Variants in ZNF536 observed in about 807,000 individuals in gnomAD.
ZNF536 encodes zinc finger protein 536.
ZNF536 carries 13 observed loss-of-function variants against 84.5 expected under a neutral mutation model. The observed-to-expected ratio is 0.15, with a 90% CI of 0.10 to 0.24. The LOEUF (loss-of-function observed/expected upper bound fraction) is 0.24. ZNF536 is among the 10% of genes least tolerant of loss of function. ZNF536 has a pLI of 1.00. For missense variants in ZNF536, 1,536 were observed against 1,747.5 expected, an observed-to-expected ratio of 0.88 and a Z score of 2.16; for synonymous variants, 811 against 742.5, an observed-to-expected ratio of 1.09 and a Z score of -1.50.
At chr19:30,315,455 A>AC (rs1291223581) in intron 2 of ZNF536, among the ~76,000 whole-genome samples, 1 of 151,978 alleles carries the variant, frequency 6.6e-6, no homozygotes, top group African/African-American at 2.4e-5. Context: ...GGCATGAGCC[A>AC]CCCCCCTCTG....
At chr19:30,704,700 G>C (rs564528341) in intron 1 of ZNF536, among the ~76,000 whole-genome samples, 2 of 151,126 alleles carry the variant, frequency 1.3e-5, no homozygotes, top group Admixed American at 1.3e-4. Context: ...AGGCCACTGA[G>C]GGGCTGCCTT....
intron 1 of ZNF536, among the ~76,000 whole-genome samples, chr19:30,608,486 C>A (rs538452554): frequency 6.6e-6 from 1 of 152,276 alleles, no homozygotes; most frequent in South Asian, 2.1e-4. Flanking sequence ...AGAACTTTAG[C>A]CTGGACTGGC....
chr19:30,576,022 C>T (rs1480785338), intron 1 of ZNF536, among the ~76,000 whole-genome samples: 1 of 152,212 alleles, frequency 6.6e-6, no homozygotes, highest in South Asian at 2.1e-4. Flanking sequence ...GGGCTCGGCT[C>T]ATGGTATAAG....
At chr19:30,368,228 G>A (rs148479010), upstream of ZNF536, among the ~76,000 whole-genome samples, 2 of 152,254 alleles carry the variant, frequency 1.3e-5, no homozygotes, top group Non-Finnish European at 1.5e-5. Context: ...GTGGTGGGGT[G>A]GGGCCCGAAA....
chr19:30,308,345 G>A lies in ZNF536; in HGVS notation c.-120+24204G>A, dbSNP rs575183908. 2.6e-5 allele frequency among the ~76,000 whole-genome samples: 4 copies of A among 152,190 alleles called. No individual in the cohort carries two copies. The South Asian group carries it at 6.2e-4, about 24-fold the overall frequency. On this transcript the variant is annotated intron_variant, in intron 2 of 5. Transcript: ENST00000585628. ...CTTGGCGCTTTCTCCATGTAATCTT[G>A]TGAACATTTTTTTTTTCATGTGAAC... is the stretch of plus-strand genomic sequence containing the variant.
chr19:30,225,956 A>C, upstream of ZNF536, among the ~76,000 whole-genome samples: 1 of 144,196 alleles, frequency 6.9e-6, no homozygotes, highest in South Asian at 2.4e-4. Flanking sequence ...GGTGGGGGGA[A>C]AGAAGAGGAA....
At chr19:30,433,583 C>T (rs544997286) in intron 1 of ZNF536, among the ~76,000 whole-genome samples, 8 of 152,266 alleles carry the variant, frequency 5.3e-5, no homozygotes, top group Non-Finnish European at 7.4e-5. Context: ...CCACAACCTC[C>T]GCCTCCTAGG....
chr19:30,574,700 C>T (rs1422797729), intron 1 of ZNF536, among the ~76,000 whole-genome samples: 1 of 152,154 alleles, frequency 6.6e-6, no homozygotes, highest in Non-Finnish European at 1.5e-5. Flanking sequence ...TCATGCCAGG[C>T]CAGGCCATGT....
chr19:30,303,395 C>A (rs572440026), intron 2 of ZNF536, among the ~76,000 whole-genome samples: 1 of 152,172 alleles, frequency 6.6e-6, no homozygotes, highest in African/African-American at 2.4e-5. Context: ...GGGGCCTTGG[C>A]GCTGCCTCCA....
At chr19:30,388,160 G>T (rs1043737445) in intron 1 of ZNF536, among the ~76,000 whole-genome samples, 2 of 152,176 alleles carry the variant, frequency 1.3e-5, no homozygotes, top group African/African-American at 4.8e-5. Flanking sequence ...AGATTTCCCG[G>T]GGGAGTGAGT....
At chr19:30,681,993 C>A (rs2050991436) in intron 1 of ZNF536, among the ~76,000 whole-genome samples, 1 of 152,108 alleles carries the variant, frequency 6.6e-6, no homozygotes, top group Non-Finnish European at 1.5e-5. Context: ...ATCGACAGTG[C>A]AAATGGGAAG....
At chr19:30,522,521 T>G (rs1469445016) in intron 2 of ZNF536, among the ~76,000 whole-genome samples, 1 of 151,202 alleles carries the variant, frequency 6.6e-6, no homozygotes, top group Non-Finnish European at 1.5e-5. Flanking sequence ...CAATAAAAAA[T>G]GCATATTTAC....
At chr19:30,687,336 CTT>C (rs1658020562) in intron 1 of ZNF536, among the ~76,000 whole-genome samples, 1 of 152,210 alleles carries the variant, frequency 6.6e-6, no homozygotes, top group Non-Finnish European at 1.5e-5. Flanking sequence ...CAAATCTGAA[CTT>C]TGATGAATTC....
chr19:30,414,051 C>T (rs957288494), intron 1 of ZNF536, among the ~76,000 whole-genome samples: 25 of 142,676 alleles, frequency 1.8e-4, no homozygotes, highest in African/African-American at 6.5e-4. Context: ...CGAGATCATG[C>T]CACTGCACTC....
At chr19:30,616,409 AGAT>A (rs1346261040) in intron 1 of ZNF536, among the ~76,000 whole-genome samples, 1 of 152,230 alleles carries the variant, frequency 6.6e-6, no homozygotes, top group African/African-American at 2.4e-5. Flanking sequence ...GAATTTGTGG[AGAT>A]GATCAAATAT....
chr19:30,532,157 T>A lies in ZNF536; in HGVS notation c.2171-2690T>A, dbSNP rs538514091. 1.4e-4 allele frequency among the ~76,000 whole-genome samples: 21 copies of A among 151,486 alleles called. No individual in the cohort carries two copies. In the South Asian group the frequency reaches 4.0e-3, roughly 29 times the overall value. On this transcript the variant is annotated intron_variant, in intron 2 of 4. Coordinates refer to ENST00000355537, the MANE Select transcript of ZNF536 (RefSeq NM_014717.3). ...TTATTTTTCATATTTTGAGACAGAG[T>A]CTCACTCTGTTGCCCAGGCTGGAGT...
intron 1 of ZNF536, among the ~76,000 whole-genome samples, chr19:30,691,831 G>T (rs2051422550): frequency 6.6e-6 from 1 of 152,216 alleles, no homozygotes; most frequent in African/African-American, 2.4e-5. Flanking sequence ...GAGGTTATTA[G>T]GGTATTAAAA....
chr19:30,359,164 G>A (rs1412225732), intron 3 of ZNF536, among the ~76,000 whole-genome samples: 1 of 152,196 alleles, frequency 6.6e-6, no homozygotes, highest in Non-Finnish European at 1.5e-5. Flanking sequence ...TCTGTTGTTG[G>A]TAACAAATTC....
intron 2 of ZNF536, among the ~76,000 whole-genome samples, chr19:30,488,657 C>T (rs891543791): frequency 2.0e-5 from 3 of 151,836 alleles, no homozygotes; most frequent in East Asian, 1.9e-4. Flanking sequence ...CTTCCCCATT[C>T]GCTAAAAGGA....
Sources: gnomAD v4.1 joint callset for allele counts (sites outside exome capture counted in the v4.1 genomes callset) on GRCh38, gnomAD v4.1.1 for gene constraint, MANE v1.5 for transcripts, NCBI Gene and HGNC (gene_info 2026-07-23, HGNC 2026-07-21) for gene names.